The following KLHL3 variants were observed in gnomAD, a reference collection of about 807,000 sequenced individuals.
The protein encoded by KLHL3 is kelch-like protein 3.
Under a neutral mutation model 70.5 loss-of-function variants are expected in KLHL3, and 19 were observed. The observed-to-expected ratio is 0.27, with a 90% CI of 0.19 to 0.40. The LOEUF is 0.40. KLHL3 is among the 10% of genes least tolerant of loss of function. The pLI is 1.00. For missense variants in KLHL3, 512 were observed against 771.1 expected, an observed-to-expected ratio of 0.66 and a Z score of 3.98; for synonymous variants, 258 against 290.3, an observed-to-expected ratio of 0.89 and a Z score of 1.13.
At chr5:137,622,909 G>A (rs1330536042) in intron 14 of KLHL3, among the ~76,000 whole-genome samples, 1 of 152,216 alleles carries the variant, frequency 6.6e-6, no homozygotes, top group Non-Finnish European at 1.5e-5. Context: ...TGCAAGCTCA[G>A]GTTCCCAGAC....
At chr5:137,635,347 A>G (rs1326463785) in intron 11 of KLHL3, among the ~76,000 whole-genome samples, 1 of 152,158 alleles carries the variant, frequency 6.6e-6, no homozygotes, top group Non-Finnish European at 1.5e-5. Flanking sequence ...AAATTTTTTA[A>G]AAACCTGACT....
In KLHL3 at chr5:137,732,295, A is replaced by G. The variant is rs534334046; in HGVS notation, c.14+3338T>C. Among the ~76,000 whole-genome samples the G allele has an allele frequency of 5.9e-5, 9 of 152,104 alleles. No individual in the cohort carries two copies. In the East Asian group the frequency reaches 1.7e-3, roughly 29 times the overall value. Reference sequence around the variant, plus strand: ...TCAAGCCACAGTGATTCTCCCATGGAGGGAACTGGGGAAGACTTAGCATCA... The same window carrying G: ...TCAAGCCACAGTGATTCTCCCATGGGGGGAACTGGGGAAGACTTAGCATCA... On this transcript the variant is annotated intron_variant, in intron 1 of 14. Coordinates refer to ENST00000309755, the MANE Select transcript of KLHL3 (RefSeq NM_017415.3).
At chr5:137,661,428 A>C (rs563667419) in intron 7 of KLHL3, 1 of 152,576 alleles carries the variant, frequency 6.6e-6, no homozygotes, top group East Asian at 1.9e-4. Context: ...CCGTTTTTAC[A>C]GTCTTGAATT....
intron 2 of KLHL3, among the ~76,000 whole-genome samples, chr5:137,718,612 C>T (rs1752940296): frequency 6.6e-6 from 1 of 152,190 alleles, no homozygotes; most frequent in Non-Finnish European, 1.5e-5. Flanking sequence ...CTGGAGTTGA[C>T]TATAATACCA....
At chr5:137,704,407 T>C (rs1165901227) in intron 3 of KLHL3, among the ~76,000 whole-genome samples, 1 of 151,384 alleles carries the variant, frequency 6.6e-6, no homozygotes, top group Non-Finnish European at 1.5e-5. Context: ...AAAAAAAAGA[T>C]TGGAATACAG....
intron 5 of KLHL3, among the ~76,000 whole-genome samples, chr5:137,682,403 T>TAGAGAGAGAGAGAGAAAGAGAGAGAGAG (rs1752049807): frequency 7.5e-6 from 1 of 133,374 alleles, no homozygotes; most frequent in Non-Finnish European, 1.6e-5. Context: ...GTGCTGGACA[T>TAGAGAGAGAGAGAGAAAGAGAGAGAGAG]AGAGAGAGAG....
chr5:137,734,439 GTTC>G (rs1753228975), intron 1 of KLHL3, among the ~76,000 whole-genome samples: 1 of 152,140 alleles, frequency 6.6e-6, no homozygotes. Context: ...AAGAAACACA[GTTC>G]CCAGGGCCTC....
intron 10 of KLHL3, among the ~76,000 whole-genome samples, chr5:137,637,813 C>T (rs1428312845): frequency 1.3e-5 from 2 of 152,204 alleles, no homozygotes; most frequent in South Asian, 2.1e-4. Context: ...TGCAGCTAGG[C>T]GTGACCAAGT....
In KLHL3 at chr5:137,709,814, G is replaced by A. The variant is rs1393736949; in HGVS notation, c.177C>T (p.Val59=). Residue 59 remains valine (V), a synonymous_variant, in exon 3 of 15, where the codon GTC becomes GTT. Coordinates refer to ENST00000309755, the MANE Select transcript of KLHL3 (RefSeq NM_017415.3). The stretch of plus-strand genomic sequence containing the variant: ...GGACCACACGGTGGGCTTCTATCTC[G>A]ACATCTTCTGCCACAATCATCACGT... The part of the protein sequence containing the change: ...LCDVMIVAED[V]EIEAHRVVLA... The A allele has an allele frequency of 3.1e-6, 5 of 1,613,900 alleles. No homozygotes were observed. Among genetic ancestry groups the A allele is most frequent in the African/African-American group, 1.3e-5 (1 of 74,882 alleles).
intron 6 of KLHL3, among the ~76,000 whole-genome samples, chr5:137,674,320 A>G (rs1195251242): frequency 6.6e-6 from 1 of 152,164 alleles, no homozygotes; most frequent in East Asian, 1.9e-4. Context: ...CTGTCTATCT[A>G]CTTGTATACG....
intron 8 of KLHL3, among the ~76,000 whole-genome samples, chr5:137,655,004 A>T (rs1404882223): frequency 1.3e-5 from 2 of 152,170 alleles, no homozygotes; most frequent in Non-Finnish European, 2.9e-5. Flanking sequence ...GCTAACATGG[A>T]GTCCAAAAAA....
chr5:137,664,055 TA>T (rs760601643), intron 6 of KLHL3, among the ~76,000 whole-genome samples: 26 of 152,174 alleles, frequency 1.7e-4, no homozygotes, highest in Admixed American at 1.3e-4. Context: ...AATTTTTTTT[TA>T]AAAATTATAA....
chr5:137,630,675 T>A (rs1750611864), intron 12 of KLHL3, among the ~76,000 whole-genome samples: 1 of 152,188 alleles, frequency 6.6e-6, no homozygotes, highest in African/African-American at 2.4e-5. Context: ...ATCGACTTGG[T>A]TCTTAGGGAA....
At chr5:137,664,988 C>G (rs1039801165) in intron 6 of KLHL3, among the ~76,000 whole-genome samples, 1 of 152,060 alleles carries the variant, frequency 6.6e-6, no homozygotes, top group African/African-American at 2.4e-5. Context: ...CATAAGAGGA[C>G]AAACTTATAT....
chr5:137,698,267 A>G lies in KLHL3; in HGVS notation c.363+20T>C. ...TCCTGAGTGTGCAATACACTGAGCT[A>G]TTAGTGAGCCTGAGTTTACCTGGAC... On this transcript the variant is annotated intron_variant, in intron 4 of 14. Coordinates refer to ENST00000309755, the MANE Select transcript of KLHL3 (RefSeq NM_017415.3). The G allele has an allele frequency of 3.1e-6, 5 of 1,614,124 alleles. No individual in the cohort carries two copies. The highest frequency in any genetic ancestry group is 4.2e-6 in the Non-Finnish European group (5 of 1,179,966).
chr5:137,670,716 T>C (rs1305440209), intron 6 of KLHL3, among the ~76,000 whole-genome samples: 1 of 151,908 alleles, frequency 6.6e-6, no homozygotes, highest in Admixed American at 6.6e-5. Context: ...ACGCCTGTAA[T>C]CCCAGCACTT....
chr5:137,706,866 T>C (rs1335781784), intron 3 of KLHL3, among the ~76,000 whole-genome samples: 1 of 152,200 alleles, frequency 6.6e-6, no homozygotes, highest in Admixed American at 6.5e-5. Flanking sequence ...TTTAAAGGTA[T>C]AGTTCTTACC....
Position 137,735,458 on chromosome 5 carries a change from CG to C in KLHL3, c.14+174del, listed in dbSNP as rs1349900411. 2.0e-5 allele frequency among the ~76,000 whole-genome samples: 3 copies of C among 152,188 alleles called. No homozygotes were observed. The East Asian group carries it at 5.8e-4, about 29-fold the overall frequency. On this transcript the variant is annotated intron_variant, in intron 1 of 14. Transcript: ENST00000309755. The stretch of plus-strand genomic sequence containing the variant: ...ATCTCTGGAGATTCAAGCCCTGGAA[CG>C]GGTGATTTGGAAAGCGGCTTTCCTG...
intron 6 of KLHL3, among the ~76,000 whole-genome samples, chr5:137,663,206 A>G (rs901387369): frequency 6.6e-6 from 1 of 151,662 alleles, no homozygotes; most frequent in East Asian, 1.9e-4. Flanking sequence ...ACAGGTGTAC[A>G]CCACTACACC....
Sources: gnomAD v4.1 joint callset for allele counts (sites outside exome capture counted in the v4.1 genomes callset) on GRCh38, gnomAD v4.1.1 for gene constraint, MANE v1.5 for transcripts, NCBI Gene and HGNC (gene_info 2026-07-23, HGNC 2026-07-21) for gene names.